KIAA2012: variants seen among roughly 807,000 people sequenced by gnomAD.
The protein encoded by KIAA2012 is uncharacterized protein KIAA2012.
KIAA2012 carries 125 observed loss-of-function variants against 150.6 expected under a neutral mutation model. The observed-to-expected ratio is 0.83, with a 90% CI of 0.72 to 0.96. The LOEUF (loss-of-function observed/expected upper bound fraction) is 0.96, where lower values mean the gene tolerates loss of function less well. Among genes scored for constraint, KIAA2012 ranks in the 40% least tolerant of loss-of-function variants. The pLI, the probability that KIAA2012 is intolerant of heterozygous loss-of-function variation, is 0.00. For synonymous variants in KIAA2012, 462 were observed against 504.7 expected (o/e 0.92, Z 1.13); for missense variants, 1,219 against 1,354.9 (o/e 0.90, Z 1.57).
rs1215158578 is a variant in KIAA2012 at position 202,188,220 on chromosome 2, A to C, written c.2445A>C (p.Lys815Asn). The stretch of plus-strand genomic sequence containing the variant: ...AGAAAGACAAAACCAAAGGACCCAA[A>C]AGCGAGAGAGAAGGAAAGGTCTACG... ...KPKKDKTKGPKSEREGKVYGQ... is the reference protein window; with the variant it reads ...KPKKDKTKGPNSEREGKVYGQ... Residue 815 changes from lysine to asparagine, a missense_variant, in exon 18 of 24, where the codon AAA becomes AAC. By Grantham distance (94) the Lys-to-Asn change is moderately conservative (BLOSUM62 0). Transcript: ENST00000498697. 2 of 1,550,576 alleles carry C rather than the reference A, an allele frequency of 1.3e-6. No individual in the cohort carries two copies. Among genetic ancestry groups the C allele is most frequent in the Admixed American group, 2.0e-5 (1 of 50,974 alleles).
intron 10 of KIAA2012, among the ~76,000 whole-genome samples, chr2:202,112,451 G>T (rs1441857392): frequency 2.0e-5 from 3 of 152,196 alleles, no homozygotes; most frequent in Non-Finnish European, 4.4e-5. Flanking sequence ...CCTGAGTTCT[G>T]CGAGCTGTCC....
At chr2:202,143,075 A>ATTTTTTTTTTTTTTTTTT (rs59488285) in intron 13 of KIAA2012, among the ~76,000 whole-genome samples, 12 of 124,988 alleles carry the variant, frequency 9.6e-5, no homozygotes, top group Admixed American at 8.8e-5. Context: ...CACTGGTTTA[A>ATTTTTTTTTTTTTTTTTT]TTTTTTTTTT....
At chr2:202,183,791 C>G (rs1449530507) in intron 15 of KIAA2012, among the ~76,000 whole-genome samples, 1 of 152,118 alleles carries the variant, frequency 6.6e-6, no homozygotes, top group Admixed American at 6.5e-5. Context: ...CAGGCGTGAG[C>G]CTAACATTTG....
intron 9 of KIAA2012, among the ~76,000 whole-genome samples, chr2:202,106,791 C>T (rs1690207364): frequency 6.6e-6 from 1 of 152,092 alleles, no homozygotes; most frequent in Non-Finnish European, 1.5e-5. Flanking sequence ...ATGGGTGCAT[C>T]TAAGTGTTTG....
chr2:202,159,766 C>T (rs1559223959), intron 14 of KIAA2012, among the ~76,000 whole-genome samples: 3 of 152,124 alleles, frequency 2.0e-5, no homozygotes, highest in South Asian at 2.1e-4. Context: ...CTCTTGAACC[C>T]GGGAGGCGGA....
In KIAA2012 at chr2:202,123,833, C is replaced by CCTTCTCTCTCTCTCCG. The variant is rs1247315777; in HGVS notation, c.1763-1366_1763-1351dup. On this transcript the variant is annotated intron_variant, in intron 11 of 23. Coordinates refer to ENST00000498697, the MANE Select transcript of KIAA2012 (RefSeq NM_001277372.4). ...CCCCGATATCTCACACCTCCCTCTC[C>CCTTCTCTCTCTCTCCG]CTTCTCTCTCTCTCCGCTTCTCTCT... Among the ~76,000 whole-genome samples the CCTTCTCTCTCTCTCCG allele has an allele frequency of 5.3e-5, 8 of 152,188 alleles. No individual in the cohort carries two copies. In the East Asian group the frequency reaches 1.2e-3, roughly 22 times the overall value.
At chr2:202,099,190 A>G (rs886399293) in intron 5 of KIAA2012, among the ~76,000 whole-genome samples, 14 of 151,710 alleles carry the variant, frequency 9.2e-5, no homozygotes, top group African/African-American at 2.9e-4. Context: ...GGGTCTCACT[A>G]TGTTGCCCAG....
Position 202,128,441 on chromosome 2 carries a change from T to G in KIAA2012, c.1831+3159T>G, listed in dbSNP as rs1036260699. Among the ~76,000 whole-genome samples, 141 of 37,106 alleles carry G rather than the reference T, an allele frequency of 3.8e-3. 1 individual carries two copies. The highest frequency in any genetic ancestry group is 0.024 in the African/African-American group (136 of 5,584). The allele number at this position is 37,106 out of a possible 152,430, so 24.3% of individuals were successfully genotyped here. On this transcript the variant is annotated intron_variant, in intron 12 of 23. Transcript: ENST00000498697. ...CCATCATGCCTGTCTTTTTGGGGGT[T>G]TTTTTTTTTTGGTAGAGATGGGGTT...
At chr2:202,161,487 C>G (rs1691656241) in intron 14 of KIAA2012, among the ~76,000 whole-genome samples, 1 of 152,094 alleles carries the variant, frequency 6.6e-6, no homozygotes, top group Non-Finnish European at 1.5e-5. Flanking sequence ...CTGTAACATG[C>G]AAGATCTGGC....
At chr2:202,107,297 C>T (rs1389588921) in intron 9 of KIAA2012, among the ~76,000 whole-genome samples, 1 of 151,966 alleles carries the variant, frequency 6.6e-6, no homozygotes, top group African/African-American at 2.4e-5. Flanking sequence ...AGGACGTTCT[C>T]GAAACATTCA....
At chr2:202,083,010 G>C (rs1011324581) in intron 2 of KIAA2012, among the ~76,000 whole-genome samples, 5 of 152,122 alleles carry the variant, frequency 3.3e-5, no homozygotes, top group African/African-American at 1.2e-4. Flanking sequence ...GCTCTCGTAG[G>C]ACCTGAAGCC....
chr2:202,111,618 A>G (rs1045632661), intron 10 of KIAA2012, among the ~76,000 whole-genome samples: 1 of 151,570 alleles, frequency 6.6e-6, no homozygotes, highest in African/African-American at 2.4e-5. Context: ...GCATGTGTGT[A>G]AGTGAATGTG....
In KIAA2012 at chr2:202,187,036, G is replaced by C. The variant is rs180803379; in HGVS notation, c.2314G>C (p.Glu772Gln). ...TGTGTATACATCTCTTCTTCCAAGA[G>C]AAAGAGAAGGGAAGGCTGAACCAAG... ...SAVYTSLLPR[E>Q]REGKAEPRLF... Residue 772 changes from glutamate (E) to glutamine (Q), a missense_variant, in exon 17 of 24, where the codon GAA (glutamate) becomes CAA (glutamine). Glu to Gln is a conservative substitution (Grantham distance 29). Transcript: ENST00000498697. The C allele has an allele frequency of 6.4e-7, 1 of 1,550,616 alleles. No individual in the cohort carries two copies. The highest frequency in any genetic ancestry group is 1.2e-5 in the South Asian group (1 of 84,060).
chr2:202,197,711 A>G (rs1692438542), intron 22 of KIAA2012: 1 of 152,090 alleles, frequency 6.6e-6, no homozygotes, highest in African/African-American at 2.4e-5. Context: ...AAAAAATCAA[A>G]AAATTAGCCA....
chr2:202,194,413 C>A, intron 21 of KIAA2012, 51 bp downstream of exon 21: 5 of 1,536,952 alleles, frequency 3.3e-6, no homozygotes, highest in Non-Finnish European at 4.4e-6. Context: ...GGGGCAGAAA[C>A]ACTTTTATCC....
chr2:202,092,466 T>G (rs1016248300), intron 3 of KIAA2012, among the ~76,000 whole-genome samples: 1 of 152,196 alleles, frequency 6.6e-6, no homozygotes, highest in African/African-American at 2.4e-5. Context: ...GCTCCTTGTT[T>G]TCTGAACTTA....
At chr2:202,176,430 C>G (rs1691993681) in intron 15 of KIAA2012, among the ~76,000 whole-genome samples, 1 of 152,136 alleles carries the variant, frequency 6.6e-6, no homozygotes, top group South Asian at 2.1e-4. Flanking sequence ...TTCCTGAACT[C>G]AAGTGATCAG....
intron 15 of KIAA2012, among the ~76,000 whole-genome samples, chr2:202,167,036 G>A (rs183079369): frequency 2.5e-3 from 375 of 152,132 alleles, no homozygotes; most frequent in African/African-American, 8.5e-3. Flanking sequence ...AGCCAGGTGC[G>A]GTGGCGGGTG....
At chr2:202,140,105 G>T (rs541951919) in intron 13 of KIAA2012, among the ~76,000 whole-genome samples, 2 of 152,238 alleles carry the variant, frequency 1.3e-5, no homozygotes, top group Non-Finnish European at 2.9e-5. Context: ...GCGCACATCT[G>T]TAATCCCAGC....
Sources: allele counts gnomAD v4.1 joint callset (sites outside exome capture counted in the v4.1 genomes callset), GRCh38; gene constraint gnomAD v4.1.1; transcripts MANE v1.5; gene names NCBI Gene and HGNC (gene_info 2026-07-23, HGNC 2026-07-21).